FBN3: variants seen among roughly 807,000 people sequenced by gnomAD.
FBN3 encodes the protein fibrillin 3, also known as fibrillin-3.
A neutral mutation model predicts 330.1 loss-of-function variants in FBN3; 234 were observed. The observed-to-expected ratio is 0.71, with a 90% CI of 0.64 to 0.79. The LOEUF is 0.79. Ranked by LOEUF, FBN3 falls within the 30% of genes least tolerant of loss-of-function variation. FBN3 has a pLI of 0.00. For missense variants in FBN3, 3,606 were observed against 3,886.9 expected (o/e 0.93, Z 1.92); for synonymous variants, 1,458 against 1,517.3 (o/e 0.96, Z 0.91).
At chr19:8,117,652 A>G in intron 26 of FBN3, 63 bp from the exon 27 acceptor site, 1 of 1,478,684 alleles carries the variant, frequency 6.8e-7, no homozygotes, top group Admixed American at 2.2e-5. Context: ...TGACCATGAG[A>G]CACACTGGGG....
intron 13 of FBN3, 50 bp from the exon 14 acceptor site, chr19:8,133,156 C>T: frequency 6.6e-7 from 1 of 1,511,944 alleles, no homozygotes. Context: ...CACTGGGACC[C>T]TCTCTCTCCC....
intron 40 of FBN3, among the ~76,000 whole-genome samples, chr19:8,102,223 T>C (rs1279649389): frequency 1.2e-5 from 1 of 84,390 alleles, no homozygotes; most frequent in African/African-American, 3.3e-5. Context: ...TATTTTTTTA[T>C]TTTTTTTTTG....
chr19:8,138,637 T>C, intron 8 of FBN3, 73 bp from the exon 9 acceptor site: 1 of 1,452,094 alleles, frequency 6.9e-7, no homozygotes, highest in Admixed American at 2.1e-5. Context: ...ATTCCAGCTG[T>C]AGCAGCACTG....
chr19:8,100,823 G>T, intron 41 of FBN3, 78 bp downstream of exon 41: 1 of 1,123,168 alleles, frequency 8.9e-7, no homozygotes, highest in Non-Finnish European at 1.4e-6. Context: ...GAAAAGAGCT[G>T]TTGAGGAGGG....
Position 8,105,261 on chromosome 19 carries a change from C to CT in FBN3, c.4813+846dup, listed in dbSNP as rs1185900615. 5.1e-3 allele frequency among the ~76,000 whole-genome samples: 697 copies of CT among 137,784 alleles called. 5 individuals carry two copies. Among genetic ancestry groups the CT allele is most frequent in the African/African-American group, 0.014 (535 of 37,800 alleles). 90.4% of individuals were successfully genotyped at this position (137,784 alleles called of 152,430 possible). A position where few individuals can be genotyped will look rare whatever the true frequency, so the allele number is the denominator to read the frequency against. ...AGCCACTGTGCCCAGTCTTTTTTTT[C>CT]TTTTTTTTTTTTTTAAGACAGGGTC... On this transcript the variant is annotated intron_variant, in intron 38 of 63. Coordinates refer to ENST00000600128, the MANE Select transcript of FBN3 (RefSeq NM_032447.5).
intron 4 of FBN3, 93 bp from the exon 5 acceptor site, chr19:8,146,031 G>A (rs1471644778): frequency 1.6e-5 from 24 of 1,482,914 alleles, no homozygotes; most frequent in Middle Eastern, 1.7e-4. Flanking sequence ...GCTCAGCCCC[G>A]CTCCTGTCCT....
chr19:8,145,959 C>T lies in FBN3; in HGVS notation c.350-21G>A, dbSNP rs538055692. On this transcript the variant is annotated intron_variant, in intron 4 of 63. Coordinates refer to ENST00000600128, the MANE Select transcript of FBN3 (RefSeq NM_032447.5). The stretch of plus-strand genomic sequence containing the variant: ...TGACCCTGGGGACAGGAAGGCAGGA[C>T]GCATAGTAATGTGGAGATGGGCCCC... 2.9e-5 allele frequency: 45 copies of T among 1,546,342 alleles called. No homozygotes were observed. The African/African-American group carries it at 4.0e-4, about 14-fold the overall frequency.
At chr19:8,135,262 C>A (rs1435971938) in intron 13 of FBN3, among the ~76,000 whole-genome samples, 1 of 151,686 alleles carries the variant, frequency 6.6e-6, no homozygotes, top group East Asian at 1.9e-4. Context: ...TGTGAGCCAC[C>A]AAGCTTGGCA....
intron 5 of FBN3, 85 bp downstream of exon 5, chr19:8,145,758 G>A: frequency 1.0e-6 from 1 of 977,426 alleles, no homozygotes; most frequent in Non-Finnish European, 1.6e-6. Context: ...GGAACCCTGG[G>A]CAGTGGGCAG....
chr19:8,137,500 C>A (rs1329650873), intron 10 of FBN3, among the ~76,000 whole-genome samples: 2 of 152,168 alleles, frequency 1.3e-5, no homozygotes, highest in African/African-American at 4.8e-5. Flanking sequence ...CAGACTCCCA[C>A]TCTGGGCCCA....
intron 14 of FBN3, among the ~76,000 whole-genome samples, chr19:8,132,297 C>T (rs2083167028): frequency 6.6e-6 from 1 of 152,174 alleles, no homozygotes; most frequent in Admixed American, 6.6e-5. Flanking sequence ...ATCCTTCTGC[C>T]TCAGCCTTCC....
intron 13 of FBN3, among the ~76,000 whole-genome samples, chr19:8,135,556 G>A (rs963776337): frequency 8.5e-5 from 12 of 140,878 alleles, no homozygotes; most frequent in South Asian, 4.3e-4. Context: ...CACTACACTC[G>A]GACTTCTTTT....
intron 51 of FBN3, 57 bp from the exon 52 acceptor site, chr19:8,088,236 C>T: frequency 6.5e-7 from 1 of 1,531,728 alleles, no homozygotes; most frequent in Middle Eastern, 2.3e-4. Context: ...TCCTCAGTAG[C>T]ATCCCATCTG....
intron 36 of FBN3, 98 bp from the exon 37 acceptor site, chr19:8,108,336 T>A (rs1468187968): frequency 7.8e-6 from 7 of 903,028 alleles, no homozygotes; most frequent in Middle Eastern, 2.3e-4. Flanking sequence ...GGCTCAAGAG[T>A]GGGCTCCCAT....
rs1047803521 is a variant in FBN3, at chr19:8,108,612, TCA to T, written c.4619-376_4619-375del. On this transcript the variant is annotated intron_variant, in intron 36 of 63. Coordinates refer to ENST00000600128, the MANE Select transcript of FBN3 (RefSeq NM_032447.5). ...CCCATGCAAGGAAGACCTTGGACATTCACACACGCATACACCTGAATAGGTGG... is the reference window on the plus strand; with the variant it reads ...CCCATGCAAGGAAGACCTTGGACATTCACACGCATACACCTGAATAGGTGG... Among the ~76,000 whole-genome samples, 30 of 152,162 alleles carry T rather than the reference TCA, an allele frequency of 2.0e-4. 1 individual carries two copies. Among genetic ancestry groups the T allele is most frequent in the Admixed American group, 1.7e-3 (26 of 15,282 alleles).
chr19:8,097,470 G>C, intron 41 of FBN3, 56 bp from the exon 42 acceptor site: 1 of 1,540,480 alleles, frequency 6.5e-7, no homozygotes. Context: ...TTCCAGCGAT[G>C]CTGAGCGAAG....
intron 48 of FBN3, among the ~76,000 whole-genome samples, 162 bp from the exon 49 acceptor site, chr19:8,090,413 T>C (rs774939445): frequency 1.3e-5 from 2 of 151,816 alleles, no homozygotes; most frequent in African/African-American, 2.4e-5. Context: ...GGTTTGAGTA[T>C]GGACATGTGA....
At chr19:8,117,402 G>C in intron 27 of FBN3, 62 bp downstream of exon 27, 12 of 1,549,964 alleles carry the variant, frequency 7.7e-6, no homozygotes, top group Non-Finnish European at 1.0e-5. Context: ...GACAGGAGGA[G>C]CTACCACTAT....
rs116213515 is a variant in FBN3, at chr19:8,080,413, G to A, written c.7453+590C>T. Reference sequence around the variant, plus strand: ...GACTATGTGAGACCTGGGATTTCAGGAGCGCTCTGGGGAGGCTCTGGGAGG... The same window carrying A: ...GACTATGTGAGACCTGGGATTTCAGAAGCGCTCTGGGGAGGCTCTGGGAGG... On this transcript the variant is annotated intron_variant, in intron 59 of 63. Coordinates refer to ENST00000600128, the MANE Select transcript of FBN3 (RefSeq NM_032447.5). Among the ~76,000 whole-genome samples, 921 of 152,308 alleles carry A rather than the reference G, an allele frequency of 6.0e-3. 16 individuals are homozygous for A. Among genetic ancestry groups the A allele is most frequent in the African/African-American group, 0.021 (873 of 41,564 alleles).
Sources: allele counts gnomAD v4.1 joint callset (sites outside exome capture counted in the v4.1 genomes callset), GRCh38; gene constraint gnomAD v4.1.1; transcripts MANE v1.5; gene names NCBI Gene and HGNC (gene_info 2026-07-23, HGNC 2026-07-21).